Variants in ARHGAP20 observed in about 807,000 individuals in gnomAD.
ARHGAP20 encodes the protein Rho GTPase activating protein 20, also known as rho GTPase-activating protein 20.
ARHGAP20 carries 34 observed loss-of-function variants against 73.7 expected under a neutral mutation model. The ratio of observed to expected loss-of-function variants is 0.46; its 90% confidence interval spans 0.35 to 0.61. The LOEUF is 0.61. Ranked by LOEUF, ARHGAP20 falls within the 20% of genes least tolerant of loss-of-function variation. The pLI is 0.00. For missense variants in ARHGAP20, 1,314 were observed against 1,420.9 expected (o/e 0.92, Z 1.21); for synonymous variants, 523 against 518.2 (o/e 1.01, Z -0.13).
intron 2 of ARHGAP20, among the ~76,000 whole-genome samples, chr11:110,686,686 A>T (rs961205311): frequency 6.6e-6 from 1 of 152,118 alleles, no homozygotes; most frequent in Non-Finnish European, 1.5e-5. Context: ...ATCTATAAAG[A>T]TGATAGCTCT....
At chr11:110,655,504 T>C (rs1369944709) in intron 2 of ARHGAP20, among the ~76,000 whole-genome samples, 5 of 152,204 alleles carry the variant, frequency 3.3e-5, no homozygotes, top group African/African-American at 1.2e-4. Context: ...GTCTGTCTTG[T>C]TTACTGCTGT....
chr11:110,658,271 A>G (rs1949517278), intron 2 of ARHGAP20, among the ~76,000 whole-genome samples: 1 of 152,160 alleles, frequency 6.6e-6, no homozygotes, highest in African/African-American at 2.4e-5. Flanking sequence ...ACTGATAGTA[A>G]TGGTTCTCCA....
intron 4 of ARHGAP20, among the ~76,000 whole-genome samples, chr11:110,622,334 C>T (rs1276827690): frequency 6.6e-6 from 1 of 152,106 alleles, no homozygotes; most frequent in East Asian, 1.9e-4. Context: ...CAACACTTCA[C>T]TTTTTTAAAA....
chr11:110,653,607 C>T (rs1949404925), intron 2 of ARHGAP20, among the ~76,000 whole-genome samples: 1 of 152,164 alleles, frequency 6.6e-6, no homozygotes, highest in Non-Finnish European at 1.5e-5. Context: ...AATCGGAATG[C>T]TTTTACACTG....
chr11:110,683,043 A>C lies in ARHGAP20; in HGVS notation c.188+7504T>G, dbSNP rs924758590. 5.9e-5 allele frequency among the ~76,000 whole-genome samples: 9 copies of C among 152,252 alleles called. No homozygotes were observed. In the South Asian group the frequency reaches 1.0e-3, roughly 18 times the overall value. ...GTCTTGCAAACAGCCCAAACGCAAT[A>C]AATTAACTTGGAGGTGGAGATGGAG... On this transcript the variant is annotated intron_variant, in intron 2 of 14. Coordinates refer to ENST00000683387, the MANE Select transcript of ARHGAP20 (RefSeq NM_001384657.1).
At position 110,581,031 on chromosome 11, in the gene ARHGAP20, A is replaced by G; in HGVS notation, c.1915T>C (p.Phe639Leu). The G allele has an allele frequency of 6.2e-7, 1 of 1,614,176 alleles. No homozygotes were observed. The highest frequency in any genetic ancestry group is 1.1e-5 in the South Asian group (1 of 91,076). The change falls in exon 15 of 15, where the codon TTT becomes CTT. Residue 639 changes from phenylalanine to leucine, a missense_variant. Transcript: ENST00000683387. ...TCATCTTTAGAATGGGCCAAGTCAA[A>G]GTCGCTTAGGGTTAAAAGGCCTTCC... ...EVEGLLTLSD[F>L]DLAHSKDEDV...
intron 2 of ARHGAP20, among the ~76,000 whole-genome samples, chr11:110,645,842 T>C (rs533176671): frequency 6.6e-6 from 1 of 152,276 alleles, no homozygotes; most frequent in South Asian, 2.1e-4. Context: ...CGGAGGCCAT[T>C]ATCCTAAGTG....
intron 2 of ARHGAP20, among the ~76,000 whole-genome samples, chr11:110,684,797 T>C (rs983342303): frequency 3.3e-5 from 5 of 152,156 alleles, no homozygotes; most frequent in Admixed American, 3.3e-4. Flanking sequence ...CTGGAGGCCA[T>C]TATTCTAAGT....
chr11:110,579,089 C>A lies in ARHGAP20; in HGVS notation c.*281G>T, dbSNP rs751466601. ...ATAAGTGCTTCCTCTGCAGAAGATG[C>A]TTTCTCTAGCCCTCTGTTAGTATCT... On this transcript the variant is annotated 3_prime_UTR_variant, in exon 15 of 15. Transcript: ENST00000683387. 2.9e-6 allele frequency: 3 copies of A among 1,050,048 alleles called. No homozygotes were observed. The highest frequency in any genetic ancestry group is 3.5e-6 in the Non-Finnish European group (3 of 869,070). The allele number at this position is 1,050,048 out of a possible 1,614,324, so 65.0% of individuals were successfully genotyped here.
intron 4 of ARHGAP20, among the ~76,000 whole-genome samples, chr11:110,623,328 A>T (rs898277434): frequency 6.6e-6 from 1 of 152,238 alleles, no homozygotes; most frequent in Non-Finnish European, 1.5e-5. Flanking sequence ...TAAGTGTAAA[A>T]CAAATACTGG....
intron 6 of ARHGAP20, among the ~76,000 whole-genome samples, chr11:110,612,700 AATTC>A (rs918551382): frequency 6.6e-6 from 1 of 152,260 alleles, no homozygotes; most frequent in Admixed American, 6.5e-5. Flanking sequence ...GAAATCTGAT[AATTC>A]ATTATTTATC....
chr11:110,592,311 A>G (rs1947849250), intron 9 of ARHGAP20, among the ~76,000 whole-genome samples, 156 bp from the exon 10 acceptor site: 1 of 152,188 alleles, frequency 6.6e-6, no homozygotes, highest in Non-Finnish European at 1.5e-5. Context: ...ATAAAATTTC[A>G]TTTCGTCTTT....
rs537464759 is a variant in ARHGAP20, at chr11:110,619,469, T to C, written c.504-3875A>G. ...AGTATATGTAGTGATAGTGTATATG[T>C]AGTGATAGAGTATATGCAGTGATAG... On this transcript the variant is annotated intron_variant, in intron 4 of 14. Transcript: ENST00000683387. Among the ~76,000 whole-genome samples the C allele has an allele frequency of 1.9e-4, 28 of 150,488 alleles. 1 individual carries two copies. Among genetic ancestry groups the C allele is most frequent in the Middle Eastern group, 3.6e-3 (1 of 276 alleles).
At chr11:110,612,321 G>C (rs961144335) in intron 6 of ARHGAP20, among the ~76,000 whole-genome samples, 2 of 151,602 alleles carry the variant, frequency 1.3e-5, no homozygotes, top group South Asian at 4.2e-4. Context: ...CCAGCTACTC[G>C]GGAGGCTGAG....
chr11:110,586,164 TATAAA>T, intron 12 of ARHGAP20, 47 bp downstream of exon 12: 1 of 955,486 alleles, frequency 1.0e-6, no homozygotes, highest in Non-Finnish European at 1.5e-6. Flanking sequence ...TAAATAATCT[TATAAA>T]ATATTTTTAA....
chr11:110,617,265 CT>C (rs796278739), intron 4 of ARHGAP20, among the ~76,000 whole-genome samples: 62 of 143,498 alleles, frequency 4.3e-4, no homozygotes, highest in East Asian at 6.0e-4. Flanking sequence ...CTTTTTCTTT[CT>C]TTTTTTTTTT....
At position 110,690,525 on chromosome 11, in the gene ARHGAP20, T is replaced by G. The variant is rs372359777; in HGVS notation, c.188+22A>C. 2.5e-6 allele frequency: 4 copies of G among 1,598,150 alleles called. No homozygotes were observed. In the South Asian group the frequency reaches 4.4e-5, roughly 18 times the overall value. On this transcript the variant is annotated intron_variant, in intron 2 of 14. Transcript: ENST00000683387. ...AACTTCCAAGCACATACTGAATGTG[T>G]AATACAAAGCTTTGCACTTACCTGG... is the stretch of plus-strand genomic sequence containing the variant.
At chr11:110,654,432 A>T (rs1949422912) in intron 2 of ARHGAP20, among the ~76,000 whole-genome samples, 1 of 152,220 alleles carries the variant, frequency 6.6e-6, no homozygotes, top group Non-Finnish European at 1.5e-5. Flanking sequence ...AGTGCTAAAT[A>T]ACAAATGTCT....
intron 5 of ARHGAP20, among the ~76,000 whole-genome samples, chr11:110,615,052 C>T (rs1406265799): frequency 6.6e-6 from 1 of 152,250 alleles, no homozygotes; most frequent in East Asian, 1.9e-4. Context: ...GGGTGTAAAT[C>T]TTGGTTATCC....
Sources: allele counts gnomAD v4.1 joint callset (sites outside exome capture counted in the v4.1 genomes callset), GRCh38; gene constraint gnomAD v4.1.1; transcripts MANE v1.5; gene names NCBI Gene and HGNC (gene_info 2026-07-23, HGNC 2026-07-21).